MYO3A: variants seen among roughly 807,000 people sequenced by gnomAD.
MYO3A encodes the protein myosin-IIIa.
MYO3A carries 180 observed loss-of-function variants against 192.7 expected under a neutral mutation model. The ratio of observed to expected loss-of-function variants is 0.93; its 90% CI spans 0.83 to 1.06. The LOEUF is 1.06. MYO3A is among the 50% of genes least tolerant of loss of function. The pLI, the probability that MYO3A is intolerant of heterozygous loss-of-function variation, is 0.00. For synonymous variants in MYO3A, 628 were observed against 645.3 expected (o/e 0.97, Z 0.41); for missense variants, 1,896 against 1,905.0 (o/e 1.00, Z 0.09).
At chr10:26,060,383 G>T (rs980098317) in intron 10 of MYO3A, among the ~76,000 whole-genome samples, 6 of 152,190 alleles carry the variant, frequency 3.9e-5, no homozygotes, top group Middle Eastern at 3.4e-3. Flanking sequence ...CAGGAGAATC[G>T]CTTGAACCTG....
rs1480473346 is a variant in MYO3A at position 25,952,274 on chromosome 10, T to C, written c.164T>C (p.Ile55Thr). 6.2e-7 allele frequency: 1 copy of C among 1,612,086 alleles called. No homozygotes were observed. Among genetic ancestry groups the C allele is most frequent in the Non-Finnish European group, 8.5e-7 (1 of 1,178,804 alleles). Residue 55 changes from isoleucine (I) to threonine (T), a missense_variant, in exon 3 of 35, where the codon ATT becomes ACT. Ile to Thr is a moderately conservative substitution (Grantham distance 89). Transcript: ENST00000642920. Reference sequence around the variant, plus strand: ...GCAGCAGTCAAAATTCTTGATCCAATTCACGTAAGTCATATTTTTTCCTTC... The same window carrying C: ...GCAGCAGTCAAAATTCTTGATCCAACTCACGTAAGTCATATTTTTTCCTTC... Reference protein sequence around the residue: ...QKAAVKILDPIHDIDEEIEAE... With the variant: ...QKAAVKILDPTHDIDEEIEAE...
intron 34 of MYO3A, among the ~76,000 whole-genome samples, chr10:26,204,752 A>G (rs1015627842): frequency 6.6e-6 from 1 of 152,204 alleles, no homozygotes; most frequent in African/African-American, 2.4e-5. Context: ...GGGCATTTGA[A>G]GAAGGGGTGG....
chr10:26,085,186 A>AT (rs34986792), intron 14 of MYO3A, among the ~76,000 whole-genome samples: 71,905 of 151,366 alleles, frequency 0.48, 17,880 homozygotes, highest in Middle Eastern at 0.59. Flanking sequence ...TGTCAATCTT[A>AT]TTTTTTCAAA....
intron 4 of MYO3A, among the ~76,000 whole-genome samples, chr10:25,958,851 T>C (rs1837730818): frequency 1.3e-5 from 2 of 152,292 alleles, no homozygotes; most frequent in Admixed American, 6.5e-5. Flanking sequence ...TTTGTGGCAA[T>C]TTTAAATGGG....
intron 20 of MYO3A, among the ~76,000 whole-genome samples, chr10:26,138,788 A>G (rs1212625686): frequency 1.3e-5 from 2 of 152,212 alleles, no homozygotes; most frequent in Non-Finnish European, 2.9e-5. Context: ...CAAACTCAAG[A>G]GGATGATTTC....
intron 14 of MYO3A, among the ~76,000 whole-genome samples, chr10:26,084,077 A>C (rs780012590): frequency 1.3e-4 from 20 of 152,248 alleles, no homozygotes; most frequent in Non-Finnish European, 1.3e-4. Flanking sequence ...GTTATACCTT[A>C]GTAAATGCTT....
intron 21 of MYO3A, among the ~76,000 whole-genome samples, chr10:26,144,160 A>G (rs1427297231): frequency 6.6e-6 from 1 of 152,082 alleles, no homozygotes; most frequent in Non-Finnish European, 1.5e-5. Flanking sequence ...ATTTTAAAAG[A>G]TCACCATTCA....
At chr10:26,080,111 AAT>A (rs1439786654) in intron 14 of MYO3A, among the ~76,000 whole-genome samples, 2 of 152,140 alleles carry the variant, frequency 1.3e-5, no homozygotes, top group Non-Finnish European at 2.9e-5. Flanking sequence ...TATCCCCACA[AAT>A]ATGTTTTCCA....
chr10:25,959,877 A>C (rs1837816075), intron 4 of MYO3A, among the ~76,000 whole-genome samples: 1 of 151,598 alleles, frequency 6.6e-6, no homozygotes, highest in South Asian at 2.1e-4. Context: ...TATTTTGCAT[A>C]TGTGATAAGA....
At chr10:26,082,337 A>G (rs1020072553) in intron 14 of MYO3A, among the ~76,000 whole-genome samples, 2 of 151,910 alleles carry the variant, frequency 1.3e-5, no homozygotes, top group Non-Finnish European at 2.9e-5. Context: ...TTTTGTTTTT[A>G]TGCTTTTGTT....
chr10:26,179,089 A>ATT (rs59025321), intron 31 of MYO3A, among the ~76,000 whole-genome samples: 1,074 of 66,030 alleles, frequency 0.016, 202 homozygotes, highest in African/African-American at 0.07. Context: ...GCCCAGCCTA[A>ATT]TTTTTTTTTT....
In MYO3A at chr10:25,981,303, G is replaced by A. The variant is rs142187011; in HGVS notation, c.304-15187G>A. Reference sequence around the variant, plus strand: ...ACATCACACTATATACAAAAATTAAGTCAAAACGGATCACAGACCTACCTG... The same window carrying A: ...ACATCACACTATATACAAAAATTAAATCAAAACGGATCACAGACCTACCTG... On this transcript the variant is annotated intron_variant, in intron 4 of 34. Coordinates refer to ENST00000642920, the MANE Select transcript of MYO3A (RefSeq NM_017433.5). Among the ~76,000 whole-genome samples, 415 of 152,008 alleles carry A rather than the reference G, an allele frequency of 2.7e-3. 3 individuals are homozygous for A. Among genetic ancestry groups the A allele is most frequent in the South Asian group, 8.7e-3 (42 of 4,818 alleles).
intron 23 of MYO3A, among the ~76,000 whole-genome samples, chr10:26,148,824 G>T (rs1159682799): frequency 2.6e-5 from 4 of 152,054 alleles, no homozygotes; most frequent in African/African-American, 9.7e-5. Context: ...TTTGTATATT[G>T]ATTTTTTGCC....
intron 31 of MYO3A, among the ~76,000 whole-genome samples, chr10:26,182,194 C>G (rs568431405): frequency 2.0e-5 from 3 of 152,206 alleles, no homozygotes; most frequent in Admixed American, 1.3e-4. Context: ...CTCCATCCCT[C>G]GCTAACTTCA....
intron 17 of MYO3A, among the ~76,000 whole-genome samples, chr10:26,119,097 T>C (rs1588987788): frequency 6.6e-6 from 1 of 152,160 alleles, no homozygotes. Context: ...CTGCCTAGAA[T>C]AGTTCATGTC....
At chr10:26,186,186 A>C (rs1158247431) in intron 31 of MYO3A, among the ~76,000 whole-genome samples, 1 of 152,096 alleles carries the variant, frequency 6.6e-6, no homozygotes, top group East Asian at 1.9e-4. Context: ...GTTTCCTAAA[A>C]GGCTCTAGAA....
intron 6 of MYO3A, among the ~76,000 whole-genome samples, chr10:26,015,591 C>A (rs1254736902): frequency 2.0e-5 from 3 of 152,152 alleles, no homozygotes; most frequent in Non-Finnish European, 4.4e-5. Context: ...AGTTAGAATT[C>A]ATGACCATTA....
At chr10:26,199,635 A>G (rs1016315664) in intron 32 of MYO3A, among the ~76,000 whole-genome samples, 1 of 152,160 alleles carries the variant, frequency 6.6e-6, no homozygotes, top group Non-Finnish European at 1.5e-5. Context: ...TGGACAATAC[A>G]TCCTCTTCTA....
At chr10:26,105,446 A>C (rs1837738255) in intron 17 of MYO3A, among the ~76,000 whole-genome samples, 1 of 152,118 alleles carries the variant, frequency 6.6e-6, no homozygotes, top group Admixed American at 6.5e-5. Flanking sequence ...CGTATCCTTG[A>C]CAAATAATAT....
Sources: gnomAD v4.1 joint callset for allele counts (sites outside exome capture counted in the v4.1 genomes callset) on GRCh38, gnomAD v4.1.1 for gene constraint, MANE v1.5 for transcripts, NCBI Gene and HGNC (gene_info 2026-07-23, HGNC 2026-07-21) for gene names.